The following SNX24 variants were observed in gnomAD, a reference collection of about 807,000 sequenced individuals.
The protein encoded by SNX24 is sorting nexin 24.
In SNX24, 22 loss-of-function variants were observed where a neutral mutation model predicts 28.7. The observed-to-expected ratio is 0.77, with a 90% CI of 0.55 to 1.10. The LOEUF (loss-of-function observed/expected upper bound fraction) is 1.10. SNX24 is among the 50% of genes least tolerant of loss of function. SNX24 has a pLI of 0.00. For synonymous variants in SNX24, 69 were observed against 71.5 expected (o/e 0.96, Z 0.18); for missense variants, 221 against 201.1 (o/e 1.10, Z -0.60).
chr5:122,923,156 C>A (rs1197529471), intron 1 of SNX24, among the ~76,000 whole-genome samples: 1 of 151,846 alleles, frequency 6.6e-6, no homozygotes, highest in Non-Finnish European at 1.5e-5. Flanking sequence ...CAAATCAAGA[C>A]CTCATCTCTA....
intron 3 of SNX24, among the ~76,000 whole-genome samples, chr5:122,967,464 A>G (rs1196666773): frequency 6.6e-6 from 1 of 152,168 alleles, no homozygotes; most frequent in Non-Finnish European, 1.5e-5. Flanking sequence ...CCTGAGGGGC[A>G]GCACGTGCTG....
At chr5:122,898,984 C>G (rs1346361248) in intron 1 of SNX24, among the ~76,000 whole-genome samples, 4 of 152,192 alleles carry the variant, frequency 2.6e-5, no homozygotes, top group Non-Finnish European at 5.9e-5. Flanking sequence ...TAGAGGCTTA[C>G]AGTGTTTATG....
chr5:123,002,833 A>T (rs758715680), intron 6 of SNX24, among the ~76,000 whole-genome samples: 1 of 152,192 alleles, frequency 6.6e-6, no homozygotes, highest in East Asian at 1.9e-4. Flanking sequence ...TCTGTTATGC[A>T]TCTCTTTATG....
At chr5:122,910,328 T>C (rs1468250772) in intron 1 of SNX24, among the ~76,000 whole-genome samples, 1 of 152,156 alleles carries the variant, frequency 6.6e-6, no homozygotes, top group Non-Finnish European at 1.5e-5. Flanking sequence ...CCTTTTGTTT[T>C]CATTTTTACT....
chr5:122,867,385 G>C (rs946423787), intron 1 of SNX24, among the ~76,000 whole-genome samples: 13 of 152,202 alleles, frequency 8.5e-5, no homozygotes, highest in Non-Finnish European at 1.5e-5. Context: ...GTGTATTCCA[G>C]TAAGGACAAA....
At chr5:122,978,764 C>CT (rs1761272262) in intron 3 of SNX24, among the ~76,000 whole-genome samples, 1 of 152,104 alleles carries the variant, frequency 6.6e-6, no homozygotes, top group African/African-American at 2.4e-5. Context: ...AGAAGAAAAA[C>CT]TGAGTTCACC....
chr5:122,886,812 A>G (rs953464905), intron 1 of SNX24, among the ~76,000 whole-genome samples: 7 of 152,110 alleles, frequency 4.6e-5, no homozygotes, highest in Admixed American at 3.9e-4. Flanking sequence ...CCTGGCCAAC[A>G]GAGCGAGACT....
chr5:122,877,915 T>C (rs1277231156), intron 1 of SNX24, among the ~76,000 whole-genome samples: 4 of 152,152 alleles, frequency 2.6e-5, no homozygotes, highest in African/African-American at 9.7e-5. Context: ...CCTCAGGCCA[T>C]GCTTTGAAAG....
At chr5:123,022,321 A>T (rs6890625) in intron 5 of SNX24, 18,794 of 152,130 alleles carry the variant, frequency 0.12, 1,433 homozygotes, top group East Asian at 0.34. Context: ...CAACTCGGTG[A>T]GATGGATCCT....
rs576344595 is a variant in SNX24, at chr5:122,958,921, A to G, written c.249+12762A>G. Among the ~76,000 whole-genome samples the G allele has an allele frequency of 5.3e-5, 8 of 152,242 alleles. No homozygotes were observed. In the East Asian group the frequency reaches 1.5e-3, roughly 29 times the overall value. On this transcript the variant is annotated intron_variant, in intron 3 of 6. Transcript: ENST00000261369. ...CCAGTATTTTATTGAAGACTTTTGC[A>G]TCAGTGCTCGTCAGGAATTTTTGTC...
chr5:122,899,403 A>G (rs1757335894), intron 1 of SNX24, among the ~76,000 whole-genome samples: 1 of 152,172 alleles, frequency 6.6e-6, no homozygotes, highest in African/African-American at 2.4e-5. Context: ...CTTCTGTTGA[A>G]TATTTTTATT....
At chr5:122,979,113 C>T (rs1301703770) in intron 3 of SNX24, among the ~76,000 whole-genome samples, 2 of 152,084 alleles carry the variant, frequency 1.3e-5, no homozygotes, top group Admixed American at 1.3e-4. Context: ...ATAGTAGTAC[C>T]CCCACCATTT....
chr5:122,861,971 G>A (rs377571523), intron 1 of SNX24, among the ~76,000 whole-genome samples: 6 of 152,280 alleles, frequency 3.9e-5, no homozygotes, highest in African/African-American at 1.4e-4. Flanking sequence ...CATTTTTGTG[G>A]TTACTTATTC....
chr5:122,944,312 C>A (rs994473450), intron 2 of SNX24, among the ~76,000 whole-genome samples: 1 of 152,166 alleles, frequency 6.6e-6, no homozygotes, highest in South Asian at 2.1e-4. Flanking sequence ...AGCAAGAGCC[C>A]TACCCCAGTA....
chr5:122,984,468 C>A (rs1009802615), intron 3 of SNX24, among the ~76,000 whole-genome samples: 1 of 152,188 alleles, frequency 6.6e-6, no homozygotes, highest in Non-Finnish European at 1.5e-5. Context: ...GTCTTGTACT[C>A]TCCTGCTCAA....
chr5:123,013,140 T>G (rs34016770), downstream of SNX24, among the ~76,000 whole-genome samples: 4,103 of 152,346 alleles, frequency 0.027, 72 homozygotes, highest in Non-Finnish European at 0.037. Flanking sequence ...GGTAGTGGTC[T>G]CAATAGATGC....
At chr5:122,865,118 G>T (rs796665820) in intron 1 of SNX24, among the ~76,000 whole-genome samples, 33 of 152,324 alleles carry the variant, frequency 2.2e-4, no homozygotes, top group African/African-American at 7.7e-4. Flanking sequence ...GGTAGAGCAG[G>T]TTCTGAAGTA....
At chr5:123,027,517 C>T (rs1762878583) in intron 5 of SNX24, among the ~76,000 whole-genome samples, 1 of 152,100 alleles carries the variant, frequency 6.6e-6, no homozygotes, top group African/African-American at 2.4e-5. Context: ...CAGGGTTTTC[C>T]AATGAGATCC....
chr5:122,894,039 A>G (rs1757097694), intron 1 of SNX24, among the ~76,000 whole-genome samples: 1 of 140,350 alleles, frequency 7.1e-6, no homozygotes, highest in Non-Finnish European at 1.6e-5. Context: ...CTCCAAATCG[A>G]AAAAAAAAAA....
Sources: allele counts gnomAD v4.1 joint callset (sites outside exome capture counted in the v4.1 genomes callset), GRCh38; gene constraint gnomAD v4.1.1; transcripts MANE v1.5; gene names NCBI Gene and HGNC (gene_info 2026-07-23, HGNC 2026-07-21).